Variants in ROR1 observed in about 807,000 individuals in gnomAD.
ROR1 encodes the protein ROR family WNT receptor 1.
ROR1 carries 19 observed loss-of-function variants against 78.8 expected under a neutral mutation model. That is an observed-to-expected ratio of 0.24 (90% CI 0.17 to 0.35). ROR1 has a LOEUF of 0.35. Ranked by LOEUF, ROR1 falls within the 10% of genes least tolerant of loss-of-function variation. ROR1 has a pLI of 1.00. For missense variants in ROR1, 917 were observed against 1,177.8 expected (o/e 0.78, Z 3.24); for synonymous variants, 386 against 433.6 (o/e 0.89, Z 1.36).
At chr1:63,900,103 C>T (rs1645472674) in intron 1 of ROR1, among the ~76,000 whole-genome samples, 1 of 152,108 alleles carries the variant, frequency 6.6e-6, no homozygotes. Flanking sequence ...ATGCTTACCA[C>T]TGACTCTGAT....
chr1:63,808,796 A>G (rs1019347082), intron 1 of ROR1, among the ~76,000 whole-genome samples: 1 of 152,112 alleles, frequency 6.6e-6, no homozygotes, highest in Admixed American at 6.5e-5. Context: ...ACCAATCTAT[A>G]GTACCTATCA....
chr1:63,990,224 G>A (rs79498717), intron 1 of ROR1, among the ~76,000 whole-genome samples: 2,044 of 152,252 alleles, frequency 0.013, 44 homozygotes, highest in African/African-American at 0.048. Flanking sequence ...CTTTTCTGTT[G>A]CTGAAGGGAA....
At chr1:63,940,778 G>T (rs1645832435) in intron 1 of ROR1, among the ~76,000 whole-genome samples, 1 of 152,156 alleles carries the variant, frequency 6.6e-6, no homozygotes, top group African/African-American at 2.4e-5. Context: ...GGCTAAGACT[G>T]GGCAAATGGT....
At chr1:64,115,612 G>GTATA (rs143560709) in intron 4 of ROR1, among the ~76,000 whole-genome samples, 2,529 of 148,680 alleles carry the variant, frequency 0.017, 82 homozygotes, top group African/African-American at 0.058. Context: ...ATATATATGT[G>GTATA]TATATATATA....
At chr1:64,154,174 A>C (rs1424390072) in intron 7 of ROR1, among the ~76,000 whole-genome samples, 1 of 152,258 alleles carries the variant, frequency 6.6e-6, no homozygotes, top group Non-Finnish European at 1.5e-5. Context: ...GCAATAGATC[A>C]TCTACTTAGT....
intron 1 of ROR1, among the ~76,000 whole-genome samples, chr1:64,005,535 G>A (rs17125961): frequency 0.033 from 5,051 of 152,254 alleles, 276 homozygotes; most frequent in African/African-American, 0.12. Flanking sequence ...GCTTTTGCCA[G>A]TGGTGAGGCG....
Position 64,004,583 on chromosome 1 carries a change from G to A in ROR1, c.92-4722G>A, listed in dbSNP as rs528179568. Among the ~76,000 whole-genome samples, 118 of 152,290 alleles carry A rather than the reference G, an allele frequency of 7.7e-4. 1 individual carries two copies. The highest frequency in any genetic ancestry group is 2.7e-3 in the African/African-American group (112 of 41,562). On this transcript the variant is annotated intron_variant, in intron 1 of 8. Transcript: ENST00000371079. Reference sequence around the variant, plus strand: ...CTGGCCGCTGGTCTTGTGAGTATGCGCATGCCTGTGTAACCTCACGCATCA... The same window carrying A: ...CTGGCCGCTGGTCTTGTGAGTATGCACATGCCTGTGTAACCTCACGCATCA...
chr1:64,176,151 T>C (rs764095143), intron 8 of ROR1, among the ~76,000 whole-genome samples: 1 of 152,230 alleles, frequency 6.6e-6, no homozygotes, highest in Non-Finnish European at 1.5e-5. Context: ...TTATTTTCAT[T>C]GTGAGCTAAT....
intron 4 of ROR1, among the ~76,000 whole-genome samples, chr1:64,124,982 A>T (rs1373816726): frequency 6.6e-6 from 1 of 152,240 alleles, no homozygotes; most frequent in African/African-American, 2.4e-5. Context: ...AGCACAATAG[A>T]CTACCATGTT....
At chr1:63,871,957 C>T (rs1239814502) in intron 1 of ROR1, among the ~76,000 whole-genome samples, 2 of 152,254 alleles carry the variant, frequency 1.3e-5, no homozygotes, top group Non-Finnish European at 2.9e-5. Context: ...TATTGAGTCC[C>T]TAATTTACAC....
At chr1:63,954,754 G>T (rs1040021089) in intron 1 of ROR1, among the ~76,000 whole-genome samples, 1 of 152,168 alleles carries the variant, frequency 6.6e-6, no homozygotes, top group East Asian at 1.9e-4. Flanking sequence ...ATGACTTAAA[G>T]TATATGGGAG....
At chr1:64,159,312 G>A (rs779933990) in intron 8 of ROR1, 120 bp downstream of exon 8, 49 of 783,836 alleles carry the variant, frequency 6.3e-5, no homozygotes, top group Non-Finnish European at 7.9e-5. Flanking sequence ...AAGTGCTAAG[G>A]TTCATTTTAA....
chr1:63,942,160 G>C (rs547324528), intron 1 of ROR1, among the ~76,000 whole-genome samples: 1 of 151,834 alleles, frequency 6.6e-6, no homozygotes, highest in Non-Finnish European at 1.5e-5. Context: ...AGAGTGTTTA[G>C]AAAGTGTAAG....
At chr1:64,091,278 G>C (rs1238843705) in intron 4 of ROR1, among the ~76,000 whole-genome samples, 1 of 152,174 alleles carries the variant, frequency 6.6e-6, no homozygotes, top group Non-Finnish European at 1.5e-5. Flanking sequence ...GGTCTGACTA[G>C]AGTAGAAATA....
In ROR1 at chr1:63,970,171, C is replaced by G. The variant is rs1399670141; in HGVS notation, c.92-39134C>G. Among the ~76,000 whole-genome samples the G allele has an allele frequency of 3.3e-5, 5 of 152,088 alleles. No individual in the cohort carries two copies. The East Asian group carries it at 7.7e-4, about 23-fold the overall frequency. ...ACTACTTCCTCCAGGAAATCTTTAT[C>G]GAATTCCCAAGTCTAGGTTGGACAC... On this transcript the variant is annotated intron_variant, in intron 1 of 8. Coordinates refer to ENST00000371079, the MANE Select transcript of ROR1 (RefSeq NM_005012.4).
chr1:63,981,302 A>G (rs1285066822), intron 1 of ROR1, among the ~76,000 whole-genome samples: 3 of 152,060 alleles, frequency 2.0e-5, no homozygotes, highest in African/African-American at 7.2e-5. Flanking sequence ...CAGCCTCCTC[A>G]GCTCCTGCCC....
chr1:64,060,544 A>C (rs1646909099), intron 4 of ROR1, among the ~76,000 whole-genome samples: 1 of 152,286 alleles, frequency 6.6e-6, no homozygotes, highest in South Asian at 2.1e-4. Flanking sequence ...TGCTAGCCCA[A>C]CTCAAGAAGT....
intron 8 of ROR1, among the ~76,000 whole-genome samples, chr1:64,168,784 A>G (rs1299158654): frequency 6.6e-6 from 1 of 152,248 alleles, no homozygotes; most frequent in Non-Finnish European, 1.5e-5. Context: ...ATAAGTTTAA[A>G]TTGCCCAACT....
intron 1 of ROR1, among the ~76,000 whole-genome samples, chr1:63,957,593 G>A (rs1190090567): frequency 1.3e-5 from 2 of 152,108 alleles, no homozygotes; most frequent in East Asian, 3.9e-4. Context: ...AAGCACATGG[G>A]TTGCATATCT....
Sources: allele counts gnomAD v4.1 joint callset (sites outside exome capture counted in the v4.1 genomes callset), GRCh38; gene constraint gnomAD v4.1.1; transcripts MANE v1.5; gene names NCBI Gene and HGNC (gene_info 2026-07-23, HGNC 2026-07-21).